The following SLC44A5 variants were observed in gnomAD, a reference collection of about 807,000 sequenced individuals.
SLC44A5 encodes solute carrier family 44 member 5, also known as choline transporter-like protein 5.
Under a neutral mutation model 101.8 loss-of-function variants are expected in SLC44A5, and 57 were observed. The observed-to-expected ratio is 0.56, with a 90% CI of 0.45 to 0.70. The LOEUF is 0.70. Among genes scored for constraint, SLC44A5 ranks in the 30% least tolerant of loss-of-function variants. SLC44A5 has a pLI of 0.00. For missense variants in SLC44A5, 737 were observed against 853.1 expected (o/e 0.86, Z 1.70); for synonymous variants, 281 against 290.9 (o/e 0.97, Z 0.35).
At chr1:75,277,890 G>A (rs1005846463) in intron 5 of SLC44A5, among the ~76,000 whole-genome samples, 1 of 152,116 alleles carries the variant, frequency 6.6e-6, no homozygotes. Context: ...CTGTGTTTGA[G>A]CTGAAACATA....
intron 4 of SLC44A5, among the ~76,000 whole-genome samples, chr1:75,302,079 A>G (rs1459203444): frequency 7.2e-6 from 1 of 138,964 alleles, no homozygotes; most frequent in Non-Finnish European, 1.6e-5. Context: ...GAGAATAATA[A>G]CAAGAGAAGA....
intron 15 of SLC44A5, 141 bp from the exon 16 acceptor site, chr1:75,219,485 C>A: frequency 1.5e-6 from 1 of 683,348 alleles, no homozygotes; most frequent in South Asian, 1.8e-5. Flanking sequence ...ATCTATTTTT[C>A]AGGCCTAGAT....
At chr1:75,356,855 T>C (rs1659120021) in intron 3 of SLC44A5, among the ~76,000 whole-genome samples, 2 of 152,236 alleles carry the variant, frequency 1.3e-5, no homozygotes, top group Non-Finnish European at 2.9e-5. Context: ...TGTGTTACAA[T>C]TGCCTACAGT....
chr1:75,281,645 C>G (rs895748006), intron 5 of SLC44A5, among the ~76,000 whole-genome samples: 6 of 108,574 alleles, frequency 5.5e-5, no homozygotes, highest in African/African-American at 1.7e-4. Flanking sequence ...GGCCCCCCCC[C>G]CCCCCCGCTG....
At chr1:75,552,714 C>G (rs564615642) in intron 1 of SLC44A5, among the ~76,000 whole-genome samples, 1 of 150,814 alleles carries the variant, frequency 6.6e-6, no homozygotes, top group East Asian at 2.0e-4. Flanking sequence ...ACAAATCTAT[C>G]CTTTTGGAGT....
At chr1:75,396,330 C>T (rs1054870067) in intron 3 of SLC44A5, among the ~76,000 whole-genome samples, 3 of 152,114 alleles carry the variant, frequency 2.0e-5, no homozygotes, top group Non-Finnish European at 4.4e-5. Context: ...GTCAGGTGAG[C>T]TGGGGTGATA....
At chr1:75,243,789 GGT>G (rs1288692682) in intron 7 of SLC44A5, among the ~76,000 whole-genome samples, 1 of 151,992 alleles carries the variant, frequency 6.6e-6, no homozygotes, top group Non-Finnish European at 1.5e-5. Flanking sequence ...CCTAATGGGA[GGT>G]GTTTGGGTTC....
chr1:75,657,434 A>T, the SLC44A5 span, among the ~76,000 whole-genome samples: 2 of 151,852 alleles, frequency 1.3e-5, no homozygotes, highest in African/African-American at 4.8e-5. Flanking sequence ...CTGTAGACCC[A>T]GCTACTAGGT....
chr1:75,722,874 T>G, the SLC44A5 span, among the ~76,000 whole-genome samples: 3 of 152,234 alleles, frequency 2.0e-5, no homozygotes, highest in Non-Finnish European at 4.4e-5. Flanking sequence ...TTCTTTGATA[T>G]CTGTTGGCCG....
the SLC44A5 span, among the ~76,000 whole-genome samples, chr1:75,696,780 A>G: frequency 6.6e-5 from 10 of 152,168 alleles, no homozygotes; most frequent in African/African-American, 2.4e-4. Context: ...GTGGATGCCT[A>G]TAGTCCCAGC....
intron 4 of SLC44A5, among the ~76,000 whole-genome samples, chr1:75,333,414 T>G (rs1367624931): frequency 6.6e-6 from 1 of 151,684 alleles, no homozygotes; most frequent in Middle Eastern, 3.2e-3. Context: ...TTAATATTTG[T>G]GGCCTCTTTT....
intron 2 of SLC44A5, among the ~76,000 whole-genome samples, chr1:75,429,301 A>G (rs1330173967): frequency 6.6e-6 from 1 of 152,210 alleles, no homozygotes; most frequent in African/African-American, 2.4e-5. Context: ...GCCACATTCT[A>G]AGTTATTCGA....
chr1:75,696,633 C>T, the SLC44A5 span, among the ~76,000 whole-genome samples: 73 of 152,220 alleles, frequency 4.8e-4, no homozygotes, highest in African/African-American at 1.4e-3. Flanking sequence ...CGGTGGCTCA[C>T]GCCTGTAATC....
At chr1:75,678,744 G>A in the SLC44A5 span, among the ~76,000 whole-genome samples, 16 of 151,986 alleles carry the variant, frequency 1.1e-4, no homozygotes, top group East Asian at 5.8e-4. Flanking sequence ...CACCAGCAAT[G>A]GAACAAAGCT....
chr1:75,441,290 G>T (rs1459158929), intron 2 of SLC44A5, among the ~76,000 whole-genome samples: 1 of 152,062 alleles, frequency 6.6e-6, no homozygotes, highest in East Asian at 1.9e-4. Flanking sequence ...AACATATTCA[G>T]CATTCCTGAA....
rs111288898 is a variant in SLC44A5, at chr1:75,530,177, T to C, written c.13+11258A>G. Among the ~76,000 whole-genome samples the C allele has an allele frequency of 1.5e-3, 231 of 152,260 alleles. 2 individuals are homozygous for C. The highest frequency in any genetic ancestry group is 5.5e-3 in the African/African-American group (229 of 41,554). On this transcript the variant is annotated intron_variant, in intron 2 of 23. Transcript: ENST00000370859. Reference sequence around the variant, plus strand: ...ATTCAAAGAAAAATAGTTTTCATTGTTTTTTATTATTATTAACAGAAAAGG... The same window carrying C: ...ATTCAAAGAAAAATAGTTTTCATTGCTTTTTATTATTATTAACAGAAAAGG...
the SLC44A5 span, among the ~76,000 whole-genome samples, chr1:75,671,846 GA>G: frequency 1.3e-5 from 2 of 152,222 alleles, no homozygotes; most frequent in East Asian, 3.9e-4. Flanking sequence ...AATGGCTGTA[GA>G]GGAACTGAAA....
At chr1:75,624,617 G>A in the SLC44A5 span, among the ~76,000 whole-genome samples, 1 of 152,108 alleles carries the variant, frequency 6.6e-6, no homozygotes, top group African/African-American at 2.4e-5. Context: ...CACTGCTCTT[G>A]CCAAAGTCCT....
chr1:75,202,577 C>T lies in SLC44A5; in HGVS notation c.*1150G>A, dbSNP rs1418679116. 1 of 151,980 alleles carries T rather than the reference C, an allele frequency of 6.6e-6. No homozygotes were observed. The highest frequency in any genetic ancestry group is 1.5e-5 in the Non-Finnish European group (1 of 67,966). The allele number at this position is 151,980 out of a possible 1,614,324, so 9.4% of individuals were successfully genotyped here. A position where few individuals can be genotyped will look rare whatever the true frequency, so the allele number is the denominator to read the frequency against. ...TGTTCCTGTTTATAGTAGTACAATA[C>T]AATTAACATACTGTAAGTAAACTGA... On this transcript the variant is annotated 3_prime_UTR_variant, in exon 24 of 24. Coordinates refer to ENST00000370859, the MANE Select transcript of SLC44A5 (RefSeq NM_001130058.2).
Sources: gnomAD v4.1 joint callset for allele counts (sites outside exome capture counted in the v4.1 genomes callset) on GRCh38, gnomAD v4.1.1 for gene constraint, MANE v1.5 for transcripts, NCBI Gene and HGNC (gene_info 2026-07-23, HGNC 2026-07-21) for gene names.